The following CSMD1 variants were observed in gnomAD, a reference collection of about 807,000 sequenced individuals.
CSMD1 encodes the protein CUB and Sushi multiple domains 1.
A neutral mutation model predicts 417.5 loss-of-function variants in CSMD1; 213 were observed. That is an observed-to-expected ratio of 0.51 (90% CI 0.46 to 0.57). The LOEUF is 0.57. CSMD1 is among the 20% of genes least tolerant of loss of function. The probability of loss-of-function intolerance (pLI) is 0.00; values close to 1 mark genes in which losing one functional copy is unlikely to be tolerated. For synonymous variants in CSMD1, 2,862 were observed against 1,736.8 expected (o/e 1.65, Z -16.11); for missense variants, 6,923 against 4,529.7 (o/e 1.53, Z -15.17).
At chr8:3,316,638 C>A (rs1018100179) in intron 23 of CSMD1, among the ~76,000 whole-genome samples, 4 of 152,042 alleles carry the variant, frequency 2.6e-5, no homozygotes, top group Admixed American at 6.6e-5. Flanking sequence ...TTGGGAACAC[C>A]AATTTACAGG....
intron 26 of CSMD1, among the ~76,000 whole-genome samples, chr8:3,254,704 C>G (rs1321613081): frequency 6.6e-6 from 1 of 152,130 alleles, no homozygotes; most frequent in African/African-American, 2.4e-5. Context: ...GTTCTCGAGC[C>G]TTGGTTTTCA....
At chr8:3,190,535 T>C (rs2078871759) in intron 33 of CSMD1, among the ~76,000 whole-genome samples, 1 of 152,186 alleles carries the variant, frequency 6.6e-6, no homozygotes, top group Admixed American at 6.6e-5. Flanking sequence ...CCTCTGAGTC[T>C]AATGAGAAAA....
At chr8:4,659,430 A>C (rs962631634) in intron 1 of CSMD1, among the ~76,000 whole-genome samples, 2 of 152,212 alleles carry the variant, frequency 1.3e-5, no homozygotes, top group Non-Finnish European at 2.9e-5. Flanking sequence ...ATAATGTGAC[A>C]TAGACTTGCA....
chr8:4,043,252 C>A (rs1456684283), intron 3 of CSMD1, among the ~76,000 whole-genome samples: 1 of 152,042 alleles, frequency 6.6e-6, no homozygotes, highest in Non-Finnish European at 1.5e-5. Flanking sequence ...AGCTATTAGG[C>A]TAGCATAGGA....
intron 50 of CSMD1, among the ~76,000 whole-genome samples, chr8:3,038,886 G>A (rs1235431103): frequency 2.0e-5 from 3 of 152,176 alleles, no homozygotes; most frequent in Non-Finnish European, 2.9e-5. Flanking sequence ...GCCACATAGA[G>A]GCTTAAACTT....
intron 2 of CSMD1, among the ~76,000 whole-genome samples, chr8:4,441,794 TAAATC>T (rs1033459588): frequency 4.6e-5 from 7 of 152,054 alleles, no homozygotes; most frequent in Admixed American, 1.3e-4. Flanking sequence ...TATCACAAGA[TAAATC>T]AAATAAGGTT....
At chr8:3,084,134 C>T (rs750145773) in intron 49 of CSMD1, among the ~76,000 whole-genome samples, 3 of 152,000 alleles carry the variant, frequency 2.0e-5, no homozygotes, top group African/African-American at 4.8e-5. Context: ...TGCAATTTGC[C>T]AAAGAAAAGC....
intron 3 of CSMD1, among the ~76,000 whole-genome samples, chr8:4,079,770 A>G (rs1800025398): frequency 1.3e-5 from 2 of 152,292 alleles, no homozygotes; most frequent in South Asian, 4.1e-4. Flanking sequence ...TGCAATTAAT[A>G]ACCCATGTTC....
chr8:4,181,645 G>A (rs1188734509), intron 3 of CSMD1, among the ~76,000 whole-genome samples: 1 of 152,096 alleles, frequency 6.6e-6, no homozygotes, highest in Non-Finnish European at 1.5e-5. Flanking sequence ...TTGCCTGTAA[G>A]AAAAGTTATA....
intron 3 of CSMD1, among the ~76,000 whole-genome samples, chr8:4,037,554 C>CTT (rs1402964307): frequency 1.3e-5 from 2 of 152,158 alleles, no homozygotes; most frequent in Non-Finnish European, 2.9e-5. Flanking sequence ...CAGACATAGC[C>CTT]TTTGCAAGGT....
At chr8:4,041,624 G>T (rs984079509) in intron 3 of CSMD1, among the ~76,000 whole-genome samples, 1 of 152,108 alleles carries the variant, frequency 6.6e-6, no homozygotes, top group Non-Finnish European at 1.5e-5. Context: ...AAAAAAGTAA[G>T]AAGATATCCA....
chr8:4,127,806 G>C (rs562348680), intron 3 of CSMD1, among the ~76,000 whole-genome samples: 6 of 152,248 alleles, frequency 3.9e-5, no homozygotes, highest in African/African-American at 1.2e-4. Flanking sequence ...GATGGTATTT[G>C]TACTATCATT....
Position 4,311,248 on chromosome 8 carries a change from C to G in CSMD1, c.415+108705G>C, listed in dbSNP as rs192871065. On this transcript the variant is annotated intron_variant, in intron 3 of 69. Transcript: ENST00000635120. ...ACAACAGCAAAGGCACGGAATCAAC[C>G]TAAATGTCCATCAATGACAGATTAG... Among the ~76,000 whole-genome samples the G allele has an allele frequency of 2.0e-5, 3 of 152,298 alleles. No individual in the cohort carries two copies. The East Asian group carries it at 5.8e-4, about 29-fold the overall frequency.
intron 1 of CSMD1, among the ~76,000 whole-genome samples, chr8:4,952,280 G>T (rs1040892064): frequency 6.6e-6 from 1 of 151,730 alleles, no homozygotes; most frequent in Non-Finnish European, 1.5e-5. Context: ...ATAATAAAAC[G>T]CAACAAATAT....
rs149394808 is a variant in CSMD1, at chr8:4,142,305, T to G, written c.416-110206A>C. 2.8e-4 allele frequency among the ~76,000 whole-genome samples: 43 copies of G among 151,236 alleles called. 2 individuals carry two copies. The highest frequency in any genetic ancestry group is 1.0e-3 in the African/African-American group (42 of 40,576). On this transcript the variant is annotated intron_variant, in intron 3 of 69. Transcript: ENST00000635120. ...GGTAATGTTTCATGCTCCCAAAGAT[T>G]TGCTATCTTTATCCACCTCATTAGC...
At chr8:4,356,847 C>G (rs1801460261) in intron 3 of CSMD1, among the ~76,000 whole-genome samples, 2 of 152,202 alleles carry the variant, frequency 1.3e-5, no homozygotes, top group East Asian at 1.9e-4. Context: ...GTTCAGCTAT[C>G]TCTGCCCTTT....
intron 3 of CSMD1, among the ~76,000 whole-genome samples, chr8:4,260,336 G>C (rs763210995): frequency 6.6e-6 from 1 of 152,096 alleles, no homozygotes; most frequent in Non-Finnish European, 1.5e-5. Context: ...TTATTTGCCT[G>C]ATTTCCCACT....
chr8:3,225,486 G>C (rs1798445014), intron 27 of CSMD1, among the ~76,000 whole-genome samples: 1 of 151,872 alleles, frequency 6.6e-6, no homozygotes, highest in African/African-American at 2.4e-5. Context: ...CGGGGCTGCT[G>C]ACAGCATCGA....
At position 4,580,086 on chromosome 8, in the gene CSMD1, G is replaced by T. The variant is rs190042654; in HGVS notation, c.302+57256C>A. On this transcript the variant is annotated intron_variant, in intron 2 of 69. Transcript: ENST00000635120. ...CTCTGCTTTTGTTTCTATATTTAAA[G>T]AGGGTGGGAGGACTAAATATTTTGT... Among the ~76,000 whole-genome samples the T allele has an allele frequency of 1.5e-3, 222 of 152,318 alleles. 1 individual carries two copies. Among genetic ancestry groups the T allele is most frequent in the African/African-American group, 5.3e-3 (219 of 41,562 alleles).
Sources: gnomAD v4.1 joint callset for allele counts (sites outside exome capture counted in the v4.1 genomes callset) on GRCh38, gnomAD v4.1.1 for gene constraint, MANE v1.5 for transcripts, NCBI Gene and HGNC (gene_info 2026-07-23, HGNC 2026-07-21) for gene names.